The following CAMKMT variants were observed in gnomAD, a reference collection of about 807,000 sequenced individuals.
CAMKMT encodes the protein CaM KMT.
In CAMKMT, 53 loss-of-function variants were observed where a neutral mutation model predicts 48.0. That is an observed-to-expected ratio of 1.10 (90% confidence interval 0.89 to 1.39). The LOEUF (loss-of-function observed/expected upper bound fraction) is 1.39, where lower values mean the gene tolerates loss of function less well. Ranked by LOEUF, CAMKMT falls within the 40% of genes most tolerant of loss-of-function variation. The pLI, the probability that CAMKMT is intolerant of heterozygous loss-of-function variation, is 0.00. For missense variants in CAMKMT, 428 were observed against 402.7 expected (o/e 1.06, Z -0.54); for synonymous variants, 165 against 152.3 (o/e 1.08, Z -0.61).
At chr2:44,495,804 C>T (rs977203628) in intron 3 of CAMKMT, among the ~76,000 whole-genome samples, 1 of 152,158 alleles carries the variant, frequency 6.6e-6, no homozygotes. Flanking sequence ...TATGAGCCCA[C>T]AAAGAAAGCC....
intron 3 of CAMKMT, among the ~76,000 whole-genome samples, chr2:44,561,701 A>G (rs1668331576): frequency 6.6e-6 from 1 of 152,234 alleles, no homozygotes; most frequent in Non-Finnish European, 1.5e-5. Flanking sequence ...TAGATAGACA[A>G]CAATATTATG....
intron 7 of CAMKMT, among the ~76,000 whole-genome samples, chr2:44,721,397 A>C (rs1216742246): frequency 6.6e-6 from 1 of 152,206 alleles, no homozygotes. Context: ...TTTATTTGTA[A>C]CTATGACAAA....
At chr2:44,418,460 G>A (rs1410249752) in intron 3 of CAMKMT, among the ~76,000 whole-genome samples, 1 of 151,978 alleles carries the variant, frequency 6.6e-6, no homozygotes, top group Non-Finnish European at 1.5e-5. Context: ...TGTTTTTCAC[G>A]TGGGTATTTG....
chr2:44,709,135 C>T (rs1677732441), intron 6 of CAMKMT, among the ~76,000 whole-genome samples: 1 of 152,126 alleles, frequency 6.6e-6, no homozygotes, highest in African/African-American at 2.4e-5. Flanking sequence ...GAGGAAATCT[C>T]AGATTCTGTA....
intron 3 of CAMKMT, among the ~76,000 whole-genome samples, chr2:44,516,442 C>T (rs1158473503): frequency 2.0e-5 from 3 of 152,110 alleles, no homozygotes; most frequent in Non-Finnish European, 4.4e-5. Flanking sequence ...GTCTTTACTG[C>T]CTAGTGAATA....
intron 3 of CAMKMT, among the ~76,000 whole-genome samples, chr2:44,554,835 C>A (rs1443782833): frequency 6.6e-6 from 1 of 152,076 alleles, no homozygotes; most frequent in East Asian, 1.9e-4. Flanking sequence ...ATGATCATAC[C>A]CTGCACTCCG....
chr2:44,472,287 A>G (rs1362630066), intron 3 of CAMKMT, among the ~76,000 whole-genome samples: 2 of 152,094 alleles, frequency 1.3e-5, no homozygotes, highest in Non-Finnish European at 2.9e-5. Flanking sequence ...GTTAGCCAGG[A>G]TATTAAATGG....
At chr2:44,560,642 A>G (rs1003442457) in intron 3 of CAMKMT, among the ~76,000 whole-genome samples, 3 of 152,218 alleles carry the variant, frequency 2.0e-5, no homozygotes, top group Non-Finnish European at 4.4e-5. Context: ...ATTTATTAAT[A>G]TCTAATATTA....
chr2:44,391,850 A>T (rs778012501), intron 3 of CAMKMT: 1 of 153,020 alleles, frequency 6.5e-6, no homozygotes, highest in Non-Finnish European at 1.5e-5. Context: ...TTGCATATTC[A>T]GGGTGTTTTT....
intron 8 of CAMKMT, among the ~76,000 whole-genome samples, chr2:44,753,740 C>G (rs1328796096): frequency 6.6e-6 from 1 of 152,174 alleles, no homozygotes; most frequent in African/African-American, 2.4e-5. Context: ...AGGAAGTTGC[C>G]AGAGTGCTTC....
intron 3 of CAMKMT, among the ~76,000 whole-genome samples, chr2:44,512,823 G>T (rs1020877144): frequency 6.9e-6 from 1 of 145,762 alleles, no homozygotes; most frequent in African/African-American, 2.5e-5. Flanking sequence ...TAAGATAAAT[G>T]CAAACCAACT....
At chr2:44,564,347 G>A (rs1181062068) in intron 3 of CAMKMT, among the ~76,000 whole-genome samples, 1 of 151,228 alleles carries the variant, frequency 6.6e-6, no homozygotes, top group Admixed American at 6.6e-5. Context: ...GCTAATTTTT[G>A]TATTTTTAAT....
At chr2:44,560,492 G>C (rs752135857) in intron 3 of CAMKMT, among the ~76,000 whole-genome samples, 1 of 152,084 alleles carries the variant, frequency 6.6e-6, no homozygotes, top group South Asian at 2.1e-4. Flanking sequence ...GGCAGGTCTC[G>C]AACTTCTGGC....
Position 44,464,810 on chromosome 2 carries a change from CCTT to C in CAMKMT, c.376+74509_376+74511del, listed in dbSNP as rs1384337601. Reference sequence around the variant, plus strand: ...GAATTCATCATTTATCATCACTAGACCTTCTTTACAAGAAATGCTAAAAGGAAT... The same window carrying C: ...GAATTCATCATTTATCATCACTAGACCTTTACAAGAAATGCTAAAAGGAAT... On this transcript the variant is annotated intron_variant, in intron 3 of 10. Coordinates refer to ENST00000378494, the MANE Select transcript of CAMKMT (RefSeq NM_024766.5). 2.6e-5 allele frequency among the ~76,000 whole-genome samples: 4 copies of C among 152,222 alleles called. No individual in the cohort carries two copies. In the East Asian group the frequency reaches 5.8e-4, roughly 22 times the overall value.
At chr2:44,503,476 T>C (rs763866450) in intron 3 of CAMKMT, among the ~76,000 whole-genome samples, 2 of 152,144 alleles carry the variant, frequency 1.3e-5, no homozygotes, top group African/African-American at 4.8e-5. Flanking sequence ...GTATCAGTCT[T>C]CAGAGAGAAA....
chr2:44,399,058 C>T (rs1395087144), intron 3 of CAMKMT, among the ~76,000 whole-genome samples: 1 of 152,138 alleles, frequency 6.6e-6, no homozygotes, highest in African/African-American at 2.4e-5. Context: ...TGAAAAGGCG[C>T]ATGTTTTGTG....
At chr2:44,469,812 GTAT>G (rs1360079669) in intron 3 of CAMKMT, among the ~76,000 whole-genome samples, 2 of 151,126 alleles carry the variant, frequency 1.3e-5, no homozygotes, top group African/African-American at 4.9e-5. Context: ...TACTTTTAAG[GTAT>G]TATCAGTTAC....
At chr2:44,678,664 G>A (rs1675853075) in intron 3 of CAMKMT, among the ~76,000 whole-genome samples, 1 of 152,150 alleles carries the variant, frequency 6.6e-6, no homozygotes. Flanking sequence ...TAGTTCAGAA[G>A]CCATGTTATG....
At chr2:44,529,207 T>G (rs1376684745) in intron 3 of CAMKMT, among the ~76,000 whole-genome samples, 1 of 152,206 alleles carries the variant, frequency 6.6e-6, no homozygotes, top group East Asian at 1.9e-4. Flanking sequence ...GTTTCTTTAA[T>G]ATCATTATGA....
Sources: gnomAD v4.1 joint callset for allele counts (sites outside exome capture counted in the v4.1 genomes callset) on GRCh38, gnomAD v4.1.1 for gene constraint, MANE v1.5 for transcripts, NCBI Gene and HGNC (gene_info 2026-07-23, HGNC 2026-07-21) for gene names.